The following MAST2 variants were observed in gnomAD, a reference collection of about 807,000 sequenced individuals.
MAST2 encodes microtubule associated serine/threonine kinase 2.
MAST2 carries 70 observed loss-of-function variants against 147.4 expected under a neutral mutation model. The observed-to-expected ratio is 0.47, with a 90% CI of 0.39 to 0.58. The LOEUF is 0.58. Ranked by LOEUF, MAST2 falls within the 20% of genes least tolerant of loss-of-function variation. MAST2 has a pLI of 0.00. For missense variants in MAST2, 2,080 were observed against 2,302.3 expected, an observed-to-expected ratio of 0.90 and a Z score of 1.98; for synonymous variants, 869 against 896.8, an observed-to-expected ratio of 0.97 and a Z score of 0.55.
chr1:45,931,800 C>A (rs1655355961), intron 4 of MAST2, among the ~76,000 whole-genome samples: 1 of 152,040 alleles, frequency 6.6e-6, no homozygotes, highest in African/African-American at 2.4e-5. Flanking sequence ...AGTCCCACCC[C>A]AGCCTCTTGA....
intron 4 of MAST2, among the ~76,000 whole-genome samples, chr1:45,905,503 G>A (rs1021087030): frequency 2.0e-5 from 3 of 152,150 alleles, no homozygotes; most frequent in Non-Finnish European, 4.4e-5. Context: ...AGCCGGCTGT[G>A]CGCGGTGGCT....
intron 4 of MAST2, among the ~76,000 whole-genome samples, chr1:45,915,216 G>C (rs1652288532): frequency 6.6e-6 from 1 of 152,090 alleles, no homozygotes; most frequent in Non-Finnish European, 1.5e-5. Context: ...ACCATACCTG[G>C]CAAATCATGC....
In MAST2 at chr1:46,010,735, C is replaced by T. The variant is rs774865625; in HGVS notation, c.984C>T (p.Thr328=). The T allele has an allele frequency of 1.4e-5, 22 of 1,612,906 alleles. No homozygotes were observed. The highest frequency in any genetic ancestry group is 6.7e-5 in the African/African-American group (5 of 74,894). The change falls in exon 10 of 29, where the codon ACC becomes ACT. Residue 328 remains threonine (T), a synonymous_variant. Coordinates refer to ENST00000361297, the MANE Select transcript of MAST2 (RefSeq NM_015112.3). ...TTTCTTGCTTTTCTTCCCAGGCCAC[C>T]GCACAAATGGAAGAGCGACTAGCAG... ...HVYKERFPKA[T]AQMEERLAEF...
chr1:46,011,627 T>G (rs1006414823), intron 10 of MAST2, among the ~76,000 whole-genome samples: 1 of 152,142 alleles, frequency 6.6e-6, no homozygotes, highest in Non-Finnish European at 1.5e-5. Context: ...TAATACAGTT[T>G]GGGAGAGAGA....
At chr1:45,926,658 C>T (rs1654416084) in intron 4 of MAST2, among the ~76,000 whole-genome samples, 2 of 152,174 alleles carry the variant, frequency 1.3e-5, no homozygotes, top group South Asian at 4.1e-4. Flanking sequence ...CAAGGTATTT[C>T]ATTTCTCCTC....
chr1:45,911,327 A>C (rs961108216), intron 4 of MAST2, among the ~76,000 whole-genome samples: 9 of 152,216 alleles, frequency 5.9e-5, no homozygotes, highest in African/African-American at 1.9e-4. Flanking sequence ...GATGTAAAAT[A>C]TGGCTTTCAT....
rs542379680 is a variant in MAST2 at position 46,016,954 on chromosome 1, A to G, written c.1189-2642A>G. ...ACAAGGCTACAGTAACCAAAACAGC[A>G]TGGTACTGGTACCAAAACAGAGATA... On this transcript the variant is annotated intron_variant, in intron 10 of 28. Transcript: ENST00000361297. Among the ~76,000 whole-genome samples the G allele has an allele frequency of 9.9e-4, 150 of 152,104 alleles. 2 individuals carry two copies. Among genetic ancestry groups the G allele is most frequent in the African/African-American group, 3.6e-3 (149 of 41,526 alleles).
chr1:45,825,701 G>A (rs374104149), intron 2 of MAST2, among the ~76,000 whole-genome samples: 56 of 151,734 alleles, frequency 3.7e-4, no homozygotes, highest in Middle Eastern at 6.9e-3. Context: ...CCAAAGTGCT[G>A]GGATTACATA....
chr1:45,876,242 G>T (rs1570486020), intron 3 of MAST2, among the ~76,000 whole-genome samples: 1 of 152,210 alleles, frequency 6.6e-6, no homozygotes, highest in East Asian at 1.9e-4. Flanking sequence ...GAGTGTTGAA[G>T]AATGAGTAGG....
chr1:45,958,897 A>C (rs180778689), intron 4 of MAST2, among the ~76,000 whole-genome samples: 32 of 152,334 alleles, frequency 2.1e-4, no homozygotes, highest in Admixed American at 1.6e-3. Context: ...GAAGAAACCC[A>C]GGGCTGTTCT....
intron 4 of MAST2, among the ~76,000 whole-genome samples, chr1:45,939,986 T>TTTTTTTG (rs1468094295): frequency 7.8e-6 from 1 of 128,978 alleles, no homozygotes; most frequent in African/African-American, 3.0e-5. Flanking sequence ...TAGGGTTTTT[T>TTTTTTTG]TTTTTTTTTT....
rs368966014 is a variant in MAST2, at chr1:46,019,683, C to T, written c.1276C>T (p.Leu426Phe). The T allele has an allele frequency of 4.3e-6, 7 of 1,614,188 alleles. No individual in the cohort carries two copies. Among genetic ancestry groups the T allele is most frequent in the South Asian group, 1.1e-5 (1 of 91,088 alleles). The change falls in exon 11 of 29, where the codon CTC (leucine) becomes TTC (phenylalanine). Residue 426 changes from leucine (L) to phenylalanine (F), a missense_variant. By Grantham distance (22) the Leu-to-Phe change is conservative. This residue lies in a region of MAST2 where 569 missense variants were observed against 642.5 expected (regional missense o/e 0.89). Transcript: ENST00000361297. ...GATTATCATTGCCCGCCCAGCACGT[C>T]TCCTGGAATGCCTGGTGAGTGGACT... is the stretch of plus-strand genomic sequence containing the variant. ...LMIIIARPAR[L>F]LECLEFDPEE...
At chr1:45,933,648 G>A (rs1360273324) in intron 4 of MAST2, among the ~76,000 whole-genome samples, 1 of 151,820 alleles carries the variant, frequency 6.6e-6, no homozygotes, top group East Asian at 1.9e-4. Context: ...CAGCTACTCG[G>A]GAGGCTGAGG....
In MAST2 at chr1:45,903,126, C is replaced by CTTTTTTTTTTT. The variant is rs34621764; in HGVS notation, c.500+20742_500+20752dup. ...AGCATTTAGCACTATAAATTTTTGT[C>CTTTTTTTTTTT]TTTTTTTTTTTTTTTTTTTTTGGAG... On this transcript the variant is annotated intron_variant, in intron 4 of 28. Coordinates refer to ENST00000361297, the MANE Select transcript of MAST2 (RefSeq NM_015112.3). Among the ~76,000 whole-genome samples, 14 of 79,318 alleles carry CTTTTTTTTTTT rather than the reference C, an allele frequency of 1.8e-4. 1 individual carries two copies. The highest frequency in any genetic ancestry group is 2.4e-4 in the Non-Finnish European group (11 of 45,800). The allele number at this position is 79,318 out of a possible 152,430, so 52.0% of individuals were successfully genotyped here.
intron 1 of MAST2, among the ~76,000 whole-genome samples, chr1:45,804,661 T>C (rs372855362): frequency 1.3e-5 from 2 of 152,342 alleles, no homozygotes; most frequent in East Asian, 1.9e-4. Flanking sequence ...TTCGTAGATA[T>C]ATGGTTTGCC....
At chr1:45,923,211 G>A (rs1435515709) in intron 4 of MAST2, among the ~76,000 whole-genome samples, 1 of 152,152 alleles carries the variant, frequency 6.6e-6, no homozygotes, top group Non-Finnish European at 1.5e-5. Flanking sequence ...CCCAGGGGTG[G>A]GTTCCCAGGG....
Position 46,008,304 on chromosome 1 carries a change from G to A in MAST2, c.911G>A (p.Arg304Gln), listed in dbSNP as rs770852388. Residue 304 changes from arginine (R) to glutamine (Q), a missense_variant, in exon 9 of 29, where the codon CGA becomes CAA. Arg to Gln is a conservative substitution (Grantham distance 43). Around this residue, in one of 4 missense-constraint regions of MAST2, gnomAD observed 569 missense variants for 642.5 expected, o/e 0.89. Transcript: ENST00000361297. ...RPRSRSLSPG[R>Q]SPVSFDSEII... ...ATTTCTTTCTTTTTTAGTCCCGGAC[G>A]ATCCCCAGTATCCTTTGACAGTGAA... The A allele has an allele frequency of 1.1e-5, 17 of 1,610,536 alleles. No individual in the cohort carries two copies. Among genetic ancestry groups the A allele is most frequent in the Non-Finnish European group, 1.4e-5 (16 of 1,176,814 alleles).
intron 4 of MAST2, among the ~76,000 whole-genome samples, chr1:45,956,619 A>G (rs563746820): frequency 6.6e-6 from 1 of 152,234 alleles, no homozygotes; most frequent in Non-Finnish European, 1.5e-5. Context: ...TGCAAGCATT[A>G]CTTTGAACTA....
chr1:45,847,419 G>A (rs1015960298), intron 3 of MAST2: 2 of 547,810 alleles, frequency 3.7e-6, no homozygotes, highest in East Asian at 4.7e-5. Context: ...TTTTTGGGGG[G>A]GATCAAGATG....
Sources: gnomAD v4.1 joint callset for allele counts (sites outside exome capture counted in the v4.1 genomes callset) on GRCh38, gnomAD v4.1.1 for gene constraint, gnomAD v4.1.1 regional missense constraint, MANE v1.5 for transcripts, NCBI Gene and HGNC (gene_info 2026-07-23, HGNC 2026-07-21) for gene names.